ITSN1: variants seen among roughly 807,000 people sequenced by gnomAD.
ITSN1 encodes intersectin 1.
In ITSN1, 58 loss-of-function variants were observed where a neutral mutation model predicts 239.8. The ratio of observed to expected loss-of-function variants is 0.24; its 90% CI spans 0.20 to 0.30. The LOEUF (loss-of-function observed/expected upper bound fraction) is 0.30, where lower values mean the gene tolerates loss of function less well. ITSN1 is among the 10% of genes least tolerant of loss of function. ITSN1 has a pLI of 1.00. For missense variants in ITSN1, 1,558 were observed against 2,103.3 expected (o/e 0.74, Z 5.07); for synonymous variants, 780 against 770.8 (o/e 1.01, Z -0.20).
chr21:33,657,354 C>G (rs2089179962), intron 1 of ITSN1, among the ~76,000 whole-genome samples: 1 of 152,146 alleles, frequency 6.6e-6, no homozygotes, highest in South Asian at 2.1e-4. Flanking sequence ...TTTCCATAAG[C>G]AGCTGTGACC....
Position 33,760,805 on chromosome 21 carries a change from T to C in ITSN1, c.725-1118T>C, listed in dbSNP as rs79403108. On this transcript the variant is annotated intron_variant, in intron 8 of 39. Coordinates refer to ENST00000381318, the MANE Select transcript of ITSN1 (RefSeq NM_003024.3). ...TCTTCCCAACAAAATTGCCACAGCC[T>C]TCCATTCCTCTGTCCAGCAGTCTTC... 3.7e-3 allele frequency among the ~76,000 whole-genome samples: 557 copies of C among 152,286 alleles called. 2 individuals are homozygous for C. The highest frequency in any genetic ancestry group is 0.013 in the African/African-American group (527 of 41,552).
intron 1 of ITSN1, among the ~76,000 whole-genome samples, chr21:33,709,430 A>C (rs540740977): frequency 6.6e-6 from 1 of 152,060 alleles, no homozygotes; most frequent in South Asian, 2.1e-4. Flanking sequence ...TCAGCCTCCC[A>C]AGTAGCTGGA....
intron 25 of ITSN1, among the ~76,000 whole-genome samples, chr21:33,824,601 T>A (rs991771007): frequency 2.0e-5 from 3 of 152,164 alleles, no homozygotes; most frequent in African/African-American, 7.2e-5. Flanking sequence ...CAAATGCCAG[T>A]AGTAGAGTGT....
intron 29 of ITSN1, among the ~76,000 whole-genome samples, chr21:33,843,187 C>T (rs557025591): frequency 1.3e-5 from 2 of 152,300 alleles, no homozygotes; most frequent in East Asian, 1.9e-4. Context: ...GACAAGTCCT[C>T]GTTCTAGGCG....
Position 33,895,836 on chromosome 21 carries a change from G to C in ITSN1, c.*7536G>C, listed in dbSNP as rs8126669. ...AGTCCTGTCATCCTGGTCAGGACTA[G>C]TCGCGTGGTTTGCGGACAGAGTGCA... On this transcript the variant is annotated 3_prime_UTR_variant, in exon 40 of 40. Transcript: ENST00000381318. 0.26 allele frequency: 40,181 copies of C among 152,212 alleles called. 5,528 individuals are homozygous for C. The highest frequency in any genetic ancestry group is 0.32 in the East Asian group (1,643 of 5,170). The allele number at this position is 152,212 out of a possible 1,614,324, so 9.4% of individuals were successfully genotyped here. A position where few individuals can be genotyped will look rare whatever the true frequency, so the allele number is the denominator to read the frequency against.
intron 10 of ITSN1, among the ~76,000 whole-genome samples, chr21:33,767,035 G>T (rs140553200): frequency 9.9e-4 from 150 of 152,202 alleles, no homozygotes; most frequent in African/African-American, 3.5e-3. Context: ...AGGCGTGGTG[G>T]CAGGTGCCTG....
rs192138670 is a variant in ITSN1, at chr21:33,875,950, G to T, written c.4341+429G>T. 7.7e-4 allele frequency among the ~76,000 whole-genome samples: 118 copies of T among 152,276 alleles called. 2 individuals are homozygous for T. The highest frequency in any genetic ancestry group is 6.8e-3 in the Middle Eastern group (2 of 292). ...CCACCTCGGCCTCCCAAAGTGCTGGGATTACAGGCATGAGCCACCGCGCCT... is the reference window on the plus strand; with the variant it reads ...CCACCTCGGCCTCCCAAAGTGCTGGTATTACAGGCATGAGCCACCGCGCCT... On this transcript the variant is annotated intron_variant, in intron 34 of 39. Coordinates refer to ENST00000381318, the MANE Select transcript of ITSN1 (RefSeq NM_003024.3).
intron 27 of ITSN1, among the ~76,000 whole-genome samples, chr21:33,830,266 C>T (rs2074217979): frequency 1.3e-5 from 2 of 152,110 alleles, no homozygotes; most frequent in South Asian, 4.1e-4. Flanking sequence ...GACAAAGATG[C>T]TTTAAAAAGA....
At chr21:33,696,509 C>G (rs893510874) in intron 1 of ITSN1, among the ~76,000 whole-genome samples, 7 of 152,190 alleles carry the variant, frequency 4.6e-5, no homozygotes, top group Non-Finnish European at 1.0e-4. Context: ...GTTATCAAGG[C>G]TTACATGTAG....
At chr21:33,715,837 G>A (rs2065102300) in intron 1 of ITSN1, among the ~76,000 whole-genome samples, 1 of 152,142 alleles carries the variant, frequency 6.6e-6, no homozygotes, top group African/African-American at 2.4e-5. Flanking sequence ...AGAATTGCTT[G>A]AACCCAGGAG....
intron 1 of ITSN1, among the ~76,000 whole-genome samples, chr21:33,690,815 GTATATATATATAT>G (rs2091498849): frequency 9.0e-5 from 1 of 11,076 alleles, no homozygotes. Flanking sequence ...ATATATATAT[GTATATATATATAT>G]ATATATATAT....
At position 33,772,046 on chromosome 21, in the gene ITSN1, G is replaced by A. The variant is rs1433903692; in HGVS notation, c.1043-15G>A. On this transcript the variant is annotated splice_polypyrimidine_tract_variant and intron_variant, in intron 11 of 39. Transcript: ENST00000381318. ...AATCTTGAGTTTTCATAGTTGCTGT[G>A]TTCCTTGTCTGAAGTAACGTTTGAA... is the stretch of plus-strand genomic sequence containing the variant. 3 of 1,612,510 alleles carry A rather than the reference G, an allele frequency of 1.9e-6. No individual in the cohort carries two copies. Among genetic ancestry groups the A allele is most frequent in the African/African-American group, 2.7e-5 (2 of 74,864 alleles).
In ITSN1 at chr21:33,767,762, G is replaced by T. The variant is rs766649165; in HGVS notation, c.976G>T (p.Asp326Tyr). The change falls in exon 11 of 40, where the codon GAT becomes TAT. Residue 326 changes from aspartate (D) to tyrosine (Y), a missense_variant. Transcript: ENST00000381318. ...GISVISSTSV[D>Y]QRLPEEPVLE... ...ATCTGTCATAAGCTCAACATCTGTAGATCAGAGGCTACCAGAGGAACCAGT... is the reference window on the plus strand; with the variant it reads ...ATCTGTCATAAGCTCAACATCTGTATATCAGAGGCTACCAGAGGAACCAGT... 6.2e-7 allele frequency: 1 copy of T among 1,613,520 alleles called. No individual in the cohort carries two copies. The highest frequency in any genetic ancestry group is 8.5e-7 in the Non-Finnish European group (1 of 1,179,648).
intron 28 of ITSN1, among the ~76,000 whole-genome samples, chr21:33,835,591 C>T (rs991178721): frequency 6.6e-5 from 10 of 152,090 alleles, no homozygotes; most frequent in Non-Finnish European, 1.5e-5. Flanking sequence ...TCTTTCAGGA[C>T]AACATTTTGA....
chr21:33,696,885 A>G (rs552204395), intron 1 of ITSN1, among the ~76,000 whole-genome samples: 2 of 152,180 alleles, frequency 1.3e-5, no homozygotes, highest in Non-Finnish European at 2.9e-5. Flanking sequence ...CTGTATTTAG[A>G]GGTATACAAT....
chr21:33,899,727 C>T lies in ITSN1; in HGVS notation c.*11427C>T, dbSNP rs548853896. The T allele has an allele frequency of 5.3e-5, 8 of 152,272 alleles. No homozygotes were observed. In the South Asian group the frequency reaches 1.7e-3, roughly 32 times the overall value. 9.4% of individuals were successfully genotyped at this position (152,272 alleles called of 1,614,324 possible). On this transcript the variant is annotated 3_prime_UTR_variant, in exon 40 of 40. Coordinates refer to ENST00000381318, the MANE Select transcript of ITSN1 (RefSeq NM_003024.3). The stretch of plus-strand genomic sequence containing the variant: ...CCAGTAGCAACATCAGTACAAATTG[C>T]TCTTCCTGTGTATCTTGAACCTAAA...
At position 33,722,659 on chromosome 21, in the gene ITSN1, G is replaced by T; in HGVS notation, c.185+8G>T. 1 of 1,544,206 alleles carries T rather than the reference G, an allele frequency of 6.5e-7. No individual in the cohort carries two copies. The highest frequency in any genetic ancestry group is 1.3e-5 in the South Asian group (1 of 78,440). ...TGTTTTAGCACAGATATGGTAAGTTGGAATTTTACATGAAATTTTACATAA... is the reference window on the plus strand; with the variant it reads ...TGTTTTAGCACAGATATGGTAAGTTTGAATTTTACATGAAATTTTACATAA... On this transcript the variant is annotated splice_region_variant and intron_variant, in intron 4 of 39. Coordinates refer to ENST00000381318, the MANE Select transcript of ITSN1 (RefSeq NM_003024.3).
chr21:33,678,185 G>A (rs2090713310), intron 1 of ITSN1, among the ~76,000 whole-genome samples: 1 of 151,938 alleles, frequency 6.6e-6, no homozygotes, highest in East Asian at 1.9e-4. Context: ...TTCTTTCGTT[G>A]GGTCTTTATA....
chr21:33,700,234 A>G (rs1396469716), intron 1 of ITSN1, among the ~76,000 whole-genome samples: 1 of 151,348 alleles, frequency 6.6e-6, no homozygotes, highest in Non-Finnish European at 1.5e-5. Flanking sequence ...GCAGGTGCCC[A>G]CCACCATGCC....
Sources: gnomAD v4.1 joint callset for allele counts (sites outside exome capture counted in the v4.1 genomes callset) on GRCh38, gnomAD v4.1.1 for gene constraint, MANE v1.5 for transcripts, NCBI Gene and HGNC (gene_info 2026-07-23, HGNC 2026-07-21) for gene names.